AKAP3: variants seen among roughly 807,000 people sequenced by gnomAD.
The protein encoded by AKAP3 is A-kinase anchor protein 3.
A neutral mutation model predicts 57.2 loss-of-function variants in AKAP3; 27 were observed. That is an observed-to-expected ratio of 0.47 (90% CI 0.35 to 0.65). The LOEUF (loss-of-function observed/expected upper bound fraction) is 0.65, where lower values mean the gene tolerates loss of function less well. AKAP3 is among the 30% of genes least tolerant of loss of function. AKAP3 has a pLI of 0.01. For missense variants in AKAP3, 959 were observed against 1,040.0 expected (o/e 0.92, Z 1.07); for synonymous variants, 334 against 392.3 (o/e 0.85, Z 1.76).
At chr12:4,631,213 G>T in intron 4 of AKAP3, 1 of 568,974 alleles carries the variant, frequency 1.8e-6, no homozygotes, top group South Asian at 2.3e-5. Context: ...TTTTATGTCT[G>T]ACCATTTGGT....
In AKAP3 at chr12:4,626,823, TGCCAACGAA is replaced by T; in HGVS notation, c.2070_2078del (p.Ser691_Ala693del). The stretch of plus-strand genomic sequence containing the variant: ...CTCCAGACTTGTCATCTCCCAGCTC[TGCCAACGAA>T]GCATCACAGGACTTAGCAATGATGA... On this transcript the variant is annotated inframe_deletion, in exon 5 of 6. Transcript: ENST00000228850. 1.2e-6 allele frequency: 2 copies of T among 1,605,888 alleles called. No homozygotes were observed. The highest frequency in any genetic ancestry group is 4.5e-5 in the East Asian group (2 of 44,884).
rs1945732428 is a variant in AKAP3, at chr12:4,648,829, A to G, written c.-329T>C. The G allele has an allele frequency of 2.6e-6, 1 of 379,830 alleles. No individual in the cohort carries two copies. The allele number at this position is 379,830 out of a possible 1,614,324, so 23.5% of individuals were successfully genotyped here. A position where few individuals can be genotyped will look rare whatever the true frequency, so the allele number is the denominator to read the frequency against. On this transcript the variant is annotated 5_prime_UTR_variant, in exon 1 of 6. The change abolishes an upstream ATG in the 5' untranslated region. Coordinates refer to ENST00000228850, the MANE Select transcript of AKAP3 (RefSeq NM_001278309.2). Reference sequence around the variant, plus strand: ...GAGCTCTTCTACCTCGGGTCTTGCCATTTTGCATGTCCTGAGTCAGTCACT... The same window carrying G: ...GAGCTCTTCTACCTCGGGTCTTGCCGTTTTGCATGTCCTGAGTCAGTCACT...
intron 5 of AKAP3, among the ~76,000 whole-genome samples, chr12:4,619,263 A>T (rs1388194893): frequency 6.6e-6 from 1 of 152,198 alleles, no homozygotes; most frequent in Non-Finnish European, 1.5e-5. Flanking sequence ...TTTCTTAAGA[A>T]ATTACACTTA....
At position 4,632,503 on chromosome 12, in the gene AKAP3, G is replaced by C. The variant is rs1945510973; in HGVS notation, c.97-3698C>G. 2.6e-5 allele frequency among the ~76,000 whole-genome samples: 4 copies of C among 152,230 alleles called. 1 individual carries two copies. The South Asian group carries it at 8.3e-4, about 31-fold the overall frequency. ...TGGTTGAGACTATAATTAGGAACAA[G>C]AGTTTCAGAGAAGTCTAAGTGTATA... On this transcript the variant is annotated intron_variant, in intron 4 of 5. Transcript: ENST00000228850.
intron 3 of AKAP3, among the ~76,000 whole-genome samples, chr12:4,638,789 A>G (rs948667578): frequency 1.6e-4 from 25 of 152,236 alleles, no homozygotes; most frequent in African/African-American, 4.8e-4. Context: ...AGTATCAGTC[A>G]GGACAAAAGA....
intron 2 of AKAP3, among the ~76,000 whole-genome samples, chr12:4,644,800 G>C (rs936407922): frequency 6.6e-6 from 1 of 152,168 alleles, no homozygotes; most frequent in Non-Finnish European, 1.5e-5. Context: ...TGTAATCTCA[G>C]CTACTCGGGA....
chr12:4,648,778 AC>A lies in AKAP3; in HGVS notation c.-279del. On this transcript the variant is annotated 5_prime_UTR_variant, in exon 1 of 6. The change abolishes the stop of an existing upstream ORF in the 5' untranslated region. Transcript: ENST00000228850. ...CCAGCTTAGCTTACATTTTCAGGGA[AC>A]AGGAAACTGAGAGTCAGGAAAGGTG... The A allele has an allele frequency of 4.2e-6, 1 of 238,746 alleles. No homozygotes were observed. Among genetic ancestry groups the A allele is most frequent in the Non-Finnish European group, 8.1e-6 (1 of 123,114 alleles). The allele number at this position is 238,746 out of a possible 1,614,324, so 14.8% of individuals were successfully genotyped here.
Position 4,626,492 on chromosome 12 carries a change from T to C in AKAP3, c.2406+4A>G. ...TTCCAAATTCCTCTGCCTTTGTTTCTTACCTTCTCCTGGATCCCTTCATCA... is the reference window on the plus strand; with the variant it reads ...TTCCAAATTCCTCTGCCTTTGTTTCCTACCTTCTCCTGGATCCCTTCATCA... On this transcript the variant is annotated splice_donor_region_variant and intron_variant, in intron 5 of 5. Coordinates refer to ENST00000228850, the MANE Select transcript of AKAP3 (RefSeq NM_001278309.2). 6.2e-7 allele frequency: 1 copy of C among 1,611,014 alleles called. No homozygotes were observed. The highest frequency in any genetic ancestry group is 2.2e-5 in the East Asian group (1 of 44,818).
At chr12:4,639,814 CT>C (rs34820221) in intron 3 of AKAP3, among the ~76,000 whole-genome samples, 4,549 of 111,048 alleles carry the variant, frequency 0.041, 49 homozygotes, top group African/African-American at 0.057. Flanking sequence ...ATTTTCTTGT[CT>C]TTTTTTTTTT....
rs1349373246 is a variant in AKAP3 at position 4,627,100 on chromosome 12, A to T, written c.1802T>A (p.Leu601Ter). 1.9e-6 allele frequency: 3 copies of T among 1,614,014 alleles called. No individual in the cohort carries two copies. In the East Asian group the frequency reaches 6.7e-5, roughly 36 times the overall value. ...RSVFFNFIRN[L>*]LSETIFKRDQ... ...ACGCTTGAAAATGGTCTCACTAAGT[A>T]AGTTCCGGATGAAATTAAAGAAAAC... is the stretch of plus-strand genomic sequence containing the variant. Residue 601 changes from leucine to a stop codon, truncating the protein, a stop_gained, in exon 5 of 6, where the codon TTA (leucine) becomes TAA (stop). Transcript: ENST00000228850. LOFTEE classifies it high-confidence loss of function.
chr12:4,643,991 T>C (rs916148021), intron 2 of AKAP3, among the ~76,000 whole-genome samples: 1 of 152,240 alleles, frequency 6.6e-6, no homozygotes, highest in African/African-American at 2.4e-5. Flanking sequence ...GGGAACAGTA[T>C]GTTTCTCATA....
chr12:4,639,990 G>A (rs1945617699), intron 3 of AKAP3, among the ~76,000 whole-genome samples: 1 of 151,786 alleles, frequency 6.6e-6, no homozygotes, highest in South Asian at 2.1e-4. Context: ...CTAATTTTTT[G>A]TATTTTTAGT....
intron 3 of AKAP3, among the ~76,000 whole-genome samples, chr12:4,639,952 G>C (rs1945617192): frequency 6.6e-6 from 1 of 151,818 alleles, no homozygotes; most frequent in South Asian, 2.1e-4. Context: ...AAGTAGCTGG[G>C]ACTACAGGCA....
At chr12:4,632,453 G>A (rs1490898177) in intron 4 of AKAP3, among the ~76,000 whole-genome samples, 1 of 151,972 alleles carries the variant, frequency 6.6e-6, no homozygotes, top group African/African-American at 2.4e-5. Context: ...GTTAACTTTG[G>A]GTTAGCAGTT....
intron 1 of AKAP3, chr12:4,645,595 C>T (rs561450248): frequency 9.2e-5 from 14 of 152,296 alleles, no homozygotes; most frequent in African/African-American, 3.1e-4. Flanking sequence ...GACAGATCAT[C>T]AGGCACTAGA....
rs1364492557 is a variant in AKAP3 at position 4,624,315 on chromosome 12, ACGTGTGTGTGTG to A, written c.2406+2169_2406+2180del. Among the ~76,000 whole-genome samples, 814 of 146,306 alleles carry A rather than the reference ACGTGTGTGTGTG, an allele frequency of 5.6e-3. 18 individuals are homozygous for A. Among genetic ancestry groups the A allele is most frequent in the African/African-American group, 0.014 (569 of 39,322 alleles). ...ATAAAAAATAATAATTTGTGACTTT[ACGTGTGTGTGTG>A]TGTGTGTGTGTGTGTGTGTGTGTGT... On this transcript the variant is annotated intron_variant, in intron 5 of 5. Coordinates refer to ENST00000228850, the MANE Select transcript of AKAP3 (RefSeq NM_001278309.2).
chr12:4,626,091 T>C (rs1945408782), intron 5 of AKAP3, among the ~76,000 whole-genome samples: 1 of 152,076 alleles, frequency 6.6e-6, no homozygotes, highest in African/African-American at 2.4e-5. Context: ...GAAAAGGTCA[T>C]AAATTCAGAC....
intron 5 of AKAP3, among the ~76,000 whole-genome samples, chr12:4,619,888 C>T (rs1225020027): frequency 6.6e-6 from 1 of 152,200 alleles, no homozygotes; most frequent in Non-Finnish European, 1.5e-5. Context: ...AAAAACCTTA[C>T]ACTAAGTGTA....
intron 3 of AKAP3, among the ~76,000 whole-genome samples, chr12:4,639,443 T>G (rs960975819): frequency 1.3e-5 from 2 of 152,178 alleles, no homozygotes; most frequent in Non-Finnish European, 2.9e-5. Context: ...TTTAAAATTA[T>G]ACTTTTAAGT....
Sources: allele counts gnomAD v4.1 joint callset (sites outside exome capture counted in the v4.1 genomes callset), GRCh38; gene constraint gnomAD v4.1.1; transcripts MANE v1.5; gene names NCBI Gene and HGNC (gene_info 2026-07-23, HGNC 2026-07-21).